The following UBE2G2 variants were observed in gnomAD, a reference collection of about 807,000 sequenced individuals.
UBE2G2 encodes ubiquitin conjugating enzyme E2 G2, also known as ubiquitin-conjugating enzyme E2 G2.
UBE2G2 carries 10 observed loss-of-function variants against 23.0 expected under a neutral mutation model. The ratio of observed to expected loss-of-function variants is 0.43; its 90% CI spans 0.27 to 0.74. The LOEUF is 0.74. Among genes scored for constraint, UBE2G2 ranks in the 30% least tolerant of loss-of-function variants. UBE2G2 has a pLI of 0.19. For synonymous variants in UBE2G2, 86 were observed against 81.3 expected (o/e 1.06, Z -0.31); for missense variants, 150 against 218.3 (o/e 0.69, Z 1.97).
Position 44,791,268 on chromosome 21 carries a change from C to T in UBE2G2, c.44-3173G>A, listed in dbSNP as rs114237344. On this transcript the variant is annotated intron_variant, in intron 1 of 5. Coordinates refer to ENST00000345496, the MANE Select transcript of UBE2G2 (RefSeq NM_003343.6). ...AAGTAACAAGGAGCCAAATATTAAT[C>T]GCCAAGACAATGGGGTAAATGTCTC... Among the ~76,000 whole-genome samples the T allele has an allele frequency of 8.2e-3, 1,248 of 152,254 alleles. 15 individuals are homozygous for T. Among genetic ancestry groups the T allele is most frequent in the African/African-American group, 0.028 (1,158 of 41,546 alleles).
At position 44,801,755 on chromosome 21, in the gene UBE2G2, G is replaced by A. The variant is rs782556832; in HGVS notation, c.-7C>T. ...TGAGCGCGGTCCCCGCCATGGCCCC[G>A]CAACAGCTGCGCCGAGCGACCTCGC... On this transcript the variant is annotated 5_prime_UTR_variant, in exon 1 of 6. Transcript: ENST00000345496. 6 of 1,518,208 alleles carry A rather than the reference G, an allele frequency of 4.0e-6. No homozygotes were observed. Among genetic ancestry groups the A allele is most frequent in the Non-Finnish European group, 2.6e-6 (3 of 1,135,398 alleles). The allele number at this position is 1,518,208 out of a possible 1,614,324, so 94.0% of individuals were successfully genotyped here.
intron 3 of UBE2G2, among the ~76,000 whole-genome samples, chr21:44,787,109 G>A (rs561298073): frequency 2.7e-5 from 4 of 150,694 alleles, no homozygotes; most frequent in Non-Finnish European, 3.0e-5. Flanking sequence ...AAAAAAGAAA[G>A]AAAGAAAAAG....
chr21:44,787,882 C>G (rs782149631), intron 3 of UBE2G2, 38 bp downstream of exon 3: 2 of 1,606,562 alleles, frequency 1.2e-6, no homozygotes, highest in African/African-American at 2.7e-5. Flanking sequence ...TGACTTCCAG[C>G]AAAGCCCTAA....
intron 1 of UBE2G2, among the ~76,000 whole-genome samples, chr21:44,789,619 C>T (rs2083028012): frequency 6.6e-6 from 1 of 151,902 alleles, no homozygotes; most frequent in Non-Finnish European, 1.5e-5. Context: ...TGATGCTCAT[C>T]TCTAAGACAA....
At chr21:44,784,416 T>C (rs898692221) in intron 3 of UBE2G2, among the ~76,000 whole-genome samples, 4 of 121,906 alleles carry the variant, frequency 3.3e-5, no homozygotes, top group Non-Finnish European at 5.3e-5. Context: ...CCTTTTTTAT[T>C]ATTATTACTG....
chr21:44,775,473 T>G (rs1343016051), intron 4 of UBE2G2: 1 of 152,248 alleles, frequency 6.6e-6, no homozygotes, highest in African/African-American at 2.4e-5. Context: ...TATTGACTAG[T>G]TTTTATGATA....
intron 1 of UBE2G2, chr21:44,800,695 T>C (rs2838689): frequency 0.13 from 19,844 of 152,248 alleles, 1,472 homozygotes; most frequent in Middle Eastern, 0.22. Context: ...CATCAACTCT[T>C]ACTGGGCGGT....
intron 1 of UBE2G2, chr21:44,800,595 C>A (rs1249278099): frequency 6.6e-6 from 1 of 152,104 alleles, no homozygotes; most frequent in Non-Finnish European, 1.5e-5. Context: ...TGCAGCGGGG[C>A]CTGGAACCAA....
intron 1 of UBE2G2, among the ~76,000 whole-genome samples, chr21:44,789,106 C>T (rs1382310174): frequency 6.6e-6 from 1 of 151,962 alleles, no homozygotes; most frequent in African/African-American, 2.4e-5. Context: ...AACAGAGGGC[C>T]AGGCGCGGTG....
chr21:44,796,052 G>T (rs2083086260), intron 1 of UBE2G2, among the ~76,000 whole-genome samples: 1 of 152,184 alleles, frequency 6.6e-6, no homozygotes, highest in African/African-American at 2.4e-5. Flanking sequence ...CTTTATTTTA[G>T]ATGTCTGGCC....
intron 1 of UBE2G2, among the ~76,000 whole-genome samples, chr21:44,794,710 A>G (rs1555963412): frequency 6.6e-6 from 1 of 151,588 alleles, no homozygotes; most frequent in South Asian, 2.1e-4. Context: ...AATTTTTTGT[A>G]TTTTTAGTAG....
chr21:44,789,043 T>C (rs1238704531), intron 1 of UBE2G2, among the ~76,000 whole-genome samples: 3 of 151,996 alleles, frequency 2.0e-5, no homozygotes, highest in Non-Finnish European at 4.4e-5. Flanking sequence ...CTAAAAGATA[T>C]ATAAAAATGC....
Position 44,768,970 on chromosome 21 carries a change from G to C in UBE2G2, c.*2407C>G, listed in dbSNP as rs932109508. The C allele has an allele frequency of 1.3e-5, 2 of 152,160 alleles. No homozygotes were observed. Among genetic ancestry groups the C allele is most frequent in the Admixed American group, 6.5e-5 (1 of 15,278 alleles). 9.4% of individuals were successfully genotyped at this position (152,160 alleles called of 1,614,324 possible). On this transcript the variant is annotated 3_prime_UTR_variant, in exon 6 of 6. Transcript: ENST00000345496. ...CCCCACCGTGAGGAATCCCAGCTGG[G>C]ATGATCTGGTGTGCTCCCTGGGGGC...
At chr21:44,784,447 T>C (rs1198220375) in intron 3 of UBE2G2, among the ~76,000 whole-genome samples, 1 of 152,226 alleles carries the variant, frequency 6.6e-6, no homozygotes, top group African/African-American at 2.4e-5. Context: ...GGCAATAACT[T>C]CTTCATATAG....
At position 44,801,751 on chromosome 21, in the gene UBE2G2, C is replaced by G; in HGVS notation, c.-3G>C. On this transcript the variant is annotated 5_prime_UTR_variant, in exon 1 of 6. Transcript: ENST00000345496. ...CTCTTGAGCGCGGTCCCCGCCATGG[C>G]CCCGCAACAGCTGCGCCGAGCGACC... The G allele has an allele frequency of 6.6e-7, 1 of 1,519,576 alleles. No individual in the cohort carries two copies. The highest frequency in any genetic ancestry group is 8.8e-7 in the Non-Finnish European group (1 of 1,135,852). The allele number at this position is 1,519,576 out of a possible 1,614,324, so 94.1% of individuals were successfully genotyped here.
chr21:44,795,869 C>G (rs930988397), intron 1 of UBE2G2, among the ~76,000 whole-genome samples: 2 of 152,146 alleles, frequency 1.3e-5, no homozygotes, highest in African/African-American at 2.4e-5. Context: ...TTAGGACATG[C>G]ACACAGGGGG....
intron 3 of UBE2G2, among the ~76,000 whole-genome samples, chr21:44,783,485 T>G (rs1204266187): frequency 1.3e-5 from 2 of 152,088 alleles, no homozygotes; most frequent in African/African-American, 2.4e-5. Context: ...GCAGCATTGC[T>G]CAAAAGAGCC....
At chr21:44,791,064 C>T (rs2083039391) in intron 1 of UBE2G2, among the ~76,000 whole-genome samples, 1 of 152,128 alleles carries the variant, frequency 6.6e-6, no homozygotes, top group South Asian at 2.1e-4. Context: ...TATGTTTCAA[C>T]AAAGAGAATG....
intron 1 of UBE2G2, among the ~76,000 whole-genome samples, chr21:44,796,766 T>A (rs532024379): frequency 6.6e-6 from 1 of 152,332 alleles, no homozygotes; most frequent in Non-Finnish European, 1.5e-5. Context: ...GGGCTGCCAC[T>A]CCAAGTTCAT....
Sources: allele counts gnomAD v4.1 joint callset (sites outside exome capture counted in the v4.1 genomes callset), GRCh38; gene constraint gnomAD v4.1.1; transcripts MANE v1.5; gene names NCBI Gene and HGNC (gene_info 2026-07-23, HGNC 2026-07-21).